PRKCH: variants seen among roughly 807,000 people sequenced by gnomAD.
PRKCH encodes the protein protein kinase C eta, also known as protein kinase C eta type.
PRKCH carries 28 observed loss-of-function variants against 82.5 expected under a neutral mutation model. The observed-to-expected ratio is 0.34, with a 90% confidence interval of 0.25 to 0.47. The LOEUF (loss-of-function observed/expected upper bound fraction) is 0.47, where lower values mean the gene tolerates loss of function less well. Ranked by LOEUF, PRKCH falls within the 20% of genes least tolerant of loss-of-function variation. The pLI, the probability that PRKCH is intolerant of heterozygous loss-of-function variation, is 1.00. For missense variants in PRKCH, 705 were observed against 881.8 expected, an observed-to-expected ratio of 0.80 and a Z score of 2.54; for synonymous variants, 322 against 327.4, an observed-to-expected ratio of 0.98 and a Z score of 0.18.
chr14:61,415,445 C>A (rs1219858023), intron 2 of PRKCH, among the ~76,000 whole-genome samples: 3 of 152,222 alleles, frequency 2.0e-5, no homozygotes, highest in African/African-American at 7.2e-5. Context: ...TTCACCCACA[C>A]TTCCATTTCC....
At chr14:61,386,052 G>A (rs1209821407) in intron 1 of PRKCH, among the ~76,000 whole-genome samples, 1 of 152,236 alleles carries the variant, frequency 6.6e-6, no homozygotes, top group Non-Finnish European at 1.5e-5. Flanking sequence ...GATGGGTAAT[G>A]TGTAATTTTC....
intron 1 of PRKCH, among the ~76,000 whole-genome samples, chr14:61,381,412 A>G (rs966564376): frequency 9.9e-5 from 15 of 152,216 alleles, no homozygotes; most frequent in African/African-American, 3.4e-4. Context: ...TTAATCTGTA[A>G]TACCTCTTAG....
At chr14:61,355,972 G>C (rs551192343) in intron 1 of PRKCH, among the ~76,000 whole-genome samples, 2 of 152,282 alleles carry the variant, frequency 1.3e-5, no homozygotes, top group African/African-American at 4.8e-5. Context: ...TGACTCACCA[G>C]GGGTGGAAGC....
At chr14:61,188,053 C>A (rs1248886157) in intron 1 of PRKCH, among the ~76,000 whole-genome samples, 4 of 152,156 alleles carry the variant, frequency 2.6e-5, no homozygotes, top group African/African-American at 9.7e-5. Context: ...ATAGGACAAC[C>A]CTTTTGAGTT....
intron 1 of PRKCH, among the ~76,000 whole-genome samples, chr14:61,329,799 C>T (rs12100927): frequency 0.048 from 7,263 of 152,172 alleles, 273 homozygotes; most frequent in East Asian, 0.16. Flanking sequence ...TCTCTTTTGC[C>T]GCTGTCTCCT....
rs1159241567 is a variant in PRKCH, at chr14:61,192,644, C to T, written c.-19+4976C>T. On this transcript the variant is annotated intron_variant, in intron 1 of 3. Transcript: ENST00000555185. ...TGGTAGGGTGCTTTCAGAAGGGCTTCTTCAGGAGCAGCAGAGCTTTCTGAC... is the reference window on the plus strand; with the variant it reads ...TGGTAGGGTGCTTTCAGAAGGGCTTTTTCAGGAGCAGCAGAGCTTTCTGAC... Among the ~76,000 whole-genome samples, 4 of 152,178 alleles carry T rather than the reference C, an allele frequency of 2.6e-5. No individual in the cohort carries two copies. The East Asian group carries it at 7.7e-4, about 29-fold the overall frequency.
chr14:61,279,873 C>G (rs2045239893), intron 1 of PRKCH: 2 of 565,140 alleles, frequency 3.5e-6, no homozygotes, highest in Admixed American at 6.4e-5. Flanking sequence ...GAAGAGTTTG[C>G]AAGGATGTTT....
chr14:61,385,088 C>G (rs983513006), intron 1 of PRKCH, among the ~76,000 whole-genome samples: 1 of 151,888 alleles, frequency 6.6e-6, no homozygotes, highest in Non-Finnish European at 1.5e-5. Context: ...TTCTTTTTAC[C>G]AAGAGAAGTG....
At chr14:61,329,844 C>G (rs2045759268) in intron 1 of PRKCH, among the ~76,000 whole-genome samples, 1 of 152,132 alleles carries the variant, frequency 6.6e-6, no homozygotes, top group Non-Finnish European at 1.5e-5. Flanking sequence ...AATGGATTGG[C>G]CTCTAATGGA....
At chr14:61,475,563 A>T (rs887671396) in intron 9 of PRKCH, among the ~76,000 whole-genome samples, 2 of 152,200 alleles carry the variant, frequency 1.3e-5, no homozygotes, top group Non-Finnish European at 2.9e-5. Flanking sequence ...TGGCATAGAG[A>T]CTATAAAAGC....
rs747362339 is a variant in PRKCH at position 61,322,199 on chromosome 14, T to G, written c.98T>G (p.Leu33Arg). The change falls in exon 1 of 14, where the codon CTC (leucine) becomes CGC (arginine). Residue 33 changes from leucine to arginine, a missense_variant. By Grantham distance (102) the Leu-to-Arg change is moderately radical (BLOSUM62 -2). Coordinates refer to ENST00000332981, the MANE Select transcript of PRKCH (RefSeq NM_006255.5). Reference protein sequence around the residue: ...QPTRWSLRHSLFKKGHQLLDP... With the variant: ...QPTRWSLRHSRFKKGHQLLDP... Reference sequence around the variant, plus strand: ...ACCCGCTGGTCCCTGCGCCACTCGCTCTTCAAGAAGGGCCACCAGCTGCTG... The same window carrying G: ...ACCCGCTGGTCCCTGCGCCACTCGCGCTTCAAGAAGGGCCACCAGCTGCTG... The G allele has an allele frequency of 1.9e-6, 3 of 1,612,936 alleles. No individual in the cohort carries two copies. In the South Asian group the frequency reaches 3.3e-5, roughly 18 times the overall value.
chr14:61,227,137 G>T (rs1566787047), intron 1 of PRKCH, among the ~76,000 whole-genome samples: 2 of 152,188 alleles, frequency 1.3e-5, no homozygotes, highest in Non-Finnish European at 2.9e-5. Flanking sequence ...TAGAACAAAA[G>T]AATCTAAATA....
rs903627882 is a variant in PRKCH, at chr14:61,242,197, T to G, written c.-19+54529T>G. On this transcript the variant is annotated intron_variant, in intron 1 of 3. Transcript: ENST00000555185. ...AATGGAGCAGGAAGAGTCCCAAATT[T>G]GCTCTGGGGAGCTGGATTTTAATCC... Among the ~76,000 whole-genome samples, 4 of 152,194 alleles carry G rather than the reference T, an allele frequency of 2.6e-5. No homozygotes were observed. In the East Asian group the frequency reaches 7.7e-4, roughly 29 times the overall value.
intron 1 of PRKCH, among the ~76,000 whole-genome samples, chr14:61,241,755 A>G (rs1244080803): frequency 6.6e-6 from 1 of 152,182 alleles, no homozygotes; most frequent in African/African-American, 2.4e-5. Flanking sequence ...CTGTGTGGCC[A>G]TGGGTAAGTT....
chr14:61,350,413 A>G (rs928713263), intron 1 of PRKCH, among the ~76,000 whole-genome samples: 2 of 152,198 alleles, frequency 1.3e-5, no homozygotes, highest in African/African-American at 2.4e-5. Flanking sequence ...ATTTAGATCT[A>G]TGGGCTTTTA....
chr14:61,435,454 G>C (rs1883631178), intron 2 of PRKCH, among the ~76,000 whole-genome samples: 1 of 152,236 alleles, frequency 6.6e-6, no homozygotes, highest in Non-Finnish European at 1.5e-5. Context: ...AGGCCGAGAA[G>C]AGGGTTCAGC....
Position 61,511,233 on chromosome 14 carries a change from C to T in PRKCH, c.1434-17842C>T, listed in dbSNP as rs142329340. On this transcript the variant is annotated intron_variant, in intron 10 of 13. Coordinates refer to ENST00000332981, the MANE Select transcript of PRKCH (RefSeq NM_006255.5). ...GATCATTAACTGTCTCCATTTGGTTCGGATGTAGAATTATTAAACCTGTGG... is the reference window on the plus strand; with the variant it reads ...GATCATTAACTGTCTCCATTTGGTTTGGATGTAGAATTATTAAACCTGTGG... 9.0e-4 allele frequency among the ~76,000 whole-genome samples: 137 copies of T among 152,256 alleles called. 1 individual carries two copies. The highest frequency in any genetic ancestry group is 3.1e-3 in the African/African-American group (127 of 41,512).
chr14:61,395,583 A>G (rs2046766655), intron 2 of PRKCH, among the ~76,000 whole-genome samples: 1 of 152,144 alleles, frequency 6.6e-6, no homozygotes, highest in African/African-American at 2.4e-5. Flanking sequence ...GCTGATCCTC[A>G]GTCTGTCTCA....
chr14:61,255,930 T>C (rs1441029424), intron 1 of PRKCH, among the ~76,000 whole-genome samples: 1 of 152,246 alleles, frequency 6.6e-6, no homozygotes, highest in Non-Finnish European at 1.5e-5. Context: ...AGGAAATTTT[T>C]AATGTTAAAA....
Sources: gnomAD v4.1 joint callset for allele counts (sites outside exome capture counted in the v4.1 genomes callset) on GRCh38, gnomAD v4.1.1 for gene constraint, MANE v1.5 for transcripts, NCBI Gene and HGNC (gene_info 2026-07-23, HGNC 2026-07-21) for gene names.